UNC13C: variants seen among roughly 807,000 people sequenced by gnomAD.
UNC13C encodes the protein protein unc-13 homolog C.
Under a neutral mutation model 245.4 loss-of-function variants are expected in UNC13C, and 174 were observed. The observed-to-expected ratio is 0.71, with a 90% CI of 0.63 to 0.80. The LOEUF (loss-of-function observed/expected upper bound fraction) is 0.80. Ranked by LOEUF, UNC13C falls within the 30% of genes least tolerant of loss-of-function variation. The probability of loss-of-function intolerance (pLI) is 0.00; values close to 1 mark genes in which losing one functional copy is unlikely to be tolerated. For synonymous variants in UNC13C, 992 were observed against 895.1 expected (o/e 1.11, Z -1.93); for missense variants, 2,829 against 2,602.9 (o/e 1.09, Z -1.89).
At chr15:54,063,092 A>T (rs1031266904) in intron 2 of UNC13C, among the ~76,000 whole-genome samples, 6 of 152,212 alleles carry the variant, frequency 3.9e-5, no homozygotes, top group Non-Finnish European at 7.3e-5. Flanking sequence ...AGGATGAGAG[A>T]GGATGCCTTC....
intron 19 of UNC13C, among the ~76,000 whole-genome samples, chr15:54,459,389 G>T (rs1241365575): frequency 6.6e-6 from 1 of 152,086 alleles, no homozygotes; most frequent in Non-Finnish European, 1.5e-5. Context: ...TGACCTTTTT[G>T]TGATGAATTT....
At chr15:54,178,354 C>T (rs1413597758) in intron 4 of UNC13C, among the ~76,000 whole-genome samples, 1 of 152,074 alleles carries the variant, frequency 6.6e-6, no homozygotes, top group African/African-American at 2.4e-5. Flanking sequence ...CACGGTAATT[C>T]TTGGTTTTCT....
intron 10 of UNC13C, among the ~76,000 whole-genome samples, chr15:54,290,792 G>T (rs189390165): frequency 5.9e-5 from 9 of 152,130 alleles, no homozygotes; most frequent in Non-Finnish European, 1.0e-4. Flanking sequence ...TGAAGGAATA[G>T]ATTCTAGAAA....
At chr15:54,328,002 G>C (rs909062754) in intron 14 of UNC13C, among the ~76,000 whole-genome samples, 1 of 152,080 alleles carries the variant, frequency 6.6e-6, no homozygotes, top group Non-Finnish European at 1.5e-5. Flanking sequence ...TTTAAGAAAA[G>C]GGAGGTCGAG....
chr15:54,446,641 G>T (rs1270238162), intron 19 of UNC13C, among the ~76,000 whole-genome samples: 2 of 152,152 alleles, frequency 1.3e-5, no homozygotes, highest in Admixed American at 6.6e-5. Flanking sequence ...CTTTGATTTT[G>T]TATCCTGAGA....
At chr15:54,613,974 T>G (rs2141294373) in intron 30 of UNC13C, among the ~76,000 whole-genome samples, 1 of 152,072 alleles carries the variant, frequency 6.6e-6, no homozygotes, top group East Asian at 1.9e-4. Context: ...GGGTAAGAAC[T>G]CCAGCCCCAT....
chr15:54,407,192 T>A (rs975929493), intron 18 of UNC13C, among the ~76,000 whole-genome samples: 1 of 152,054 alleles, frequency 6.6e-6, no homozygotes, highest in African/African-American at 2.4e-5. Flanking sequence ...ATATAGAAGA[T>A]GTATCAGAAG....
intron 2 of UNC13C, among the ~76,000 whole-genome samples, chr15:54,084,052 C>T (rs912309491): frequency 3.6e-4 from 55 of 152,326 alleles, no homozygotes; most frequent in Non-Finnish European, 2.9e-5. Context: ...AGCAGATTGC[C>T]ACAGAGGTGA....
intron 19 of UNC13C, among the ~76,000 whole-genome samples, chr15:54,486,081 G>A (rs1025817146): frequency 5.3e-5 from 8 of 152,134 alleles, no homozygotes; most frequent in Admixed American, 1.3e-4. Flanking sequence ...CAGGGACACC[G>A]TGTCTTTTTC....
chr15:54,564,198 G>T (rs1010051135), intron 29 of UNC13C, among the ~76,000 whole-genome samples: 2 of 151,954 alleles, frequency 1.3e-5, no homozygotes, highest in African/African-American at 4.8e-5. Flanking sequence ...TCTGTCTCGG[G>T]ACATTTCATA....
chr15:54,208,312 G>A (rs141327948), intron 4 of UNC13C, among the ~76,000 whole-genome samples: 112 of 152,166 alleles, frequency 7.4e-4, no homozygotes, highest in African/African-American at 2.5e-3. Context: ...TGGAGATTAC[G>A]TTTCACCATG....
chr15:54,346,235 A>AT (rs1433146893), intron 17 of UNC13C, among the ~76,000 whole-genome samples: 1 of 150,726 alleles, frequency 6.6e-6, no homozygotes, highest in African/African-American at 2.4e-5. Flanking sequence ...TAAAAATAAC[A>AT]TTTAAAGAAA....
chr15:54,208,639 A>C (rs2034787478), intron 4 of UNC13C, among the ~76,000 whole-genome samples: 1 of 152,096 alleles, frequency 6.6e-6, no homozygotes, highest in Non-Finnish European at 1.5e-5. Flanking sequence ...AGAACTATGA[A>C]AATAAGAACT....
chr15:54,294,191 A>C, intron 11 of UNC13C, 127 bp downstream of exon 11: 2 of 800,016 alleles, frequency 2.5e-6, no homozygotes, highest in South Asian at 7.4e-5. Flanking sequence ...TGAACTTTAG[A>C]TGATTCATTT....
chr15:54,127,748 T>TATA (rs2031149280), intron 2 of UNC13C, among the ~76,000 whole-genome samples: 7 of 116,734 alleles, frequency 6.0e-5, no homozygotes, highest in African/African-American at 2.3e-4. Flanking sequence ...AATATATATT[T>TATA]CATATATATT....
At chr15:53,944,066 T>A in the UNC13C span, among the ~76,000 whole-genome samples, 1 of 150,186 alleles carries the variant, frequency 6.7e-6, no homozygotes, top group African/African-American at 2.4e-5. Flanking sequence ...AAATCTACTC[T>A]GTTAATATCT....
At chr15:54,156,662 TC>T (rs1301856909) in intron 4 of UNC13C, among the ~76,000 whole-genome samples, 1 of 151,914 alleles carries the variant, frequency 6.6e-6, no homozygotes, top group Non-Finnish European at 1.5e-5. Context: ...GAGCTGAGAC[TC>T]AGATTTGTCC....
chr15:54,210,384 A>T (rs896633349), intron 4 of UNC13C, among the ~76,000 whole-genome samples: 2 of 151,834 alleles, frequency 1.3e-5, no homozygotes, highest in Non-Finnish European at 2.9e-5. Context: ...ATGGTCATAA[A>T]TGAGGATTGT....
At chr15:53,938,735 C>T in the UNC13C span, among the ~76,000 whole-genome samples, 1 of 152,156 alleles carries the variant, frequency 6.6e-6, no homozygotes, top group African/African-American at 2.4e-5. Context: ...GGAAATTGAG[C>T]AATCTGCTCC....
Sources: gnomAD v4.1 joint callset for allele counts (sites outside exome capture counted in the v4.1 genomes callset) on GRCh38, gnomAD v4.1.1 for gene constraint, MANE v1.5 for transcripts, NCBI Gene and HGNC (gene_info 2026-07-23, HGNC 2026-07-21) for gene names.